The following LRFN2 variants were observed in gnomAD, a reference collection of about 807,000 sequenced individuals.
LRFN2 encodes leucine rich repeat and fibronectin type III domain containing 2.
LRFN2 carries 18 observed loss-of-function variants against 37.3 expected under a neutral mutation model. The ratio of observed to expected loss-of-function variants is 0.48; its 90% CI spans 0.33 to 0.72. The LOEUF is 0.72. Ranked by LOEUF, LRFN2 falls within the 30% of genes least tolerant of loss-of-function variation. The pLI is 0.02. For synonymous variants in LRFN2, 556 were observed against 466.6 expected (o/e 1.19, Z -2.47); for missense variants, 1,006 against 1,060.7 (o/e 0.95, Z 0.72).
intron 2 of LRFN2, among the ~76,000 whole-genome samples, chr6:40,430,007 C>T (rs1763442383): frequency 1.3e-5 from 2 of 152,136 alleles, no homozygotes; most frequent in African/African-American, 2.4e-5. Flanking sequence ...ATTTTTATTT[C>T]CTTCTTCATA....
chr6:40,472,260 A>G (rs1469843122), intron 1 of LRFN2, among the ~76,000 whole-genome samples: 2 of 152,134 alleles, frequency 1.3e-5, no homozygotes, highest in East Asian at 1.9e-4. Context: ...AGGTGTTTCC[A>G]GGTCAAGACA....
At chr6:40,538,243 G>A (rs918520897) in intron 1 of LRFN2, among the ~76,000 whole-genome samples, 6 of 152,206 alleles carry the variant, frequency 3.9e-5, no homozygotes, top group African/African-American at 4.8e-5. Flanking sequence ...GGGGAGAGAA[G>A]GAGGAAGATT....
At chr6:40,523,463 G>T (rs976311011) in intron 1 of LRFN2, among the ~76,000 whole-genome samples, 1 of 147,692 alleles carries the variant, frequency 6.8e-6, no homozygotes, top group Non-Finnish European at 1.5e-5. Flanking sequence ...CTTTTGTTTG[G>T]TTGGTTTTTA....
chr6:40,573,646 A>G (rs534496755), intron 1 of LRFN2, among the ~76,000 whole-genome samples: 26 of 152,282 alleles, frequency 1.7e-4, no homozygotes, highest in Non-Finnish European at 2.8e-4. Flanking sequence ...AGGGTGCCCA[A>G]CTCATCCTAG....
At chr6:40,466,759 T>C (rs1418826652) in intron 1 of LRFN2, among the ~76,000 whole-genome samples, 1 of 152,172 alleles carries the variant, frequency 6.6e-6, no homozygotes, top group Non-Finnish European at 1.5e-5. Context: ...TTACTTATTG[T>C]TATAGGATGA....
intron 1 of LRFN2, among the ~76,000 whole-genome samples, chr6:40,526,011 G>T (rs12210807): frequency 0.075 from 11,384 of 152,232 alleles, 557 homozygotes; most frequent in South Asian, 0.11. Context: ...AGAGAGAAAA[G>T]GTTCCTGTTC....
intron 1 of LRFN2, among the ~76,000 whole-genome samples, chr6:40,528,255 C>T (rs910970253): frequency 2.0e-5 from 3 of 152,246 alleles, no homozygotes; most frequent in African/African-American, 4.8e-5. Flanking sequence ...GGCGGCCTGC[C>T]GAAGTGGAGC....
At chr6:40,557,700 G>A (rs1766916008) in intron 1 of LRFN2, among the ~76,000 whole-genome samples, 1 of 152,166 alleles carries the variant, frequency 6.6e-6, no homozygotes, top group African/African-American at 2.4e-5. Context: ...GATTAAGTGT[G>A]CAGATCCTGG....
chr6:40,571,510 A>G (rs1306368781), intron 1 of LRFN2, among the ~76,000 whole-genome samples: 1 of 152,180 alleles, frequency 6.6e-6, no homozygotes, highest in Non-Finnish European at 1.5e-5. Flanking sequence ...AAACCCCATA[A>G]GGCAGGGCAA....
chr6:40,547,526 C>T (rs1766689135), intron 1 of LRFN2, among the ~76,000 whole-genome samples: 2 of 152,146 alleles, frequency 1.3e-5, no homozygotes, highest in South Asian at 4.1e-4. Flanking sequence ...GGGCATCTTC[C>T]ATTTGACCCT....
intron 1 of LRFN2, among the ~76,000 whole-genome samples, chr6:40,540,167 C>G (rs2113915473): frequency 6.6e-6 from 1 of 152,298 alleles, no homozygotes; most frequent in Non-Finnish European, 1.5e-5. Context: ...CTCTTAAGTA[C>G]CCTGTGCTTC....
At chr6:40,435,729 AG>A (rs1763655481) in intron 1 of LRFN2, among the ~76,000 whole-genome samples, 1 of 152,086 alleles carries the variant, frequency 6.6e-6, no homozygotes, top group African/African-American at 2.4e-5. Context: ...TAGTAGAGAC[AG>A]GGTTTCACTG....
At chr6:40,401,406 C>G (rs1296478834) in intron 2 of LRFN2, among the ~76,000 whole-genome samples, 1 of 152,168 alleles carries the variant, frequency 6.6e-6, no homozygotes, top group Non-Finnish European at 1.5e-5. Context: ...CTTCTGCCAG[C>G]TGGACCCTTG....
At chr6:40,489,381 G>A (rs1297460150) in intron 1 of LRFN2, among the ~76,000 whole-genome samples, 1 of 152,200 alleles carries the variant, frequency 6.6e-6, no homozygotes, top group Non-Finnish European at 1.5e-5. Flanking sequence ...GGACCCAAGT[G>A]GGGCAGTGCC....
At chr6:40,461,358 T>C (rs1032020778) in intron 1 of LRFN2, among the ~76,000 whole-genome samples, 3 of 151,996 alleles carry the variant, frequency 2.0e-5, no homozygotes, top group Admixed American at 6.6e-5. Flanking sequence ...CAGTGAGCCA[T>C]GATCACACCA....
At chr6:40,577,284 T>A (rs1346471715) in intron 1 of LRFN2, among the ~76,000 whole-genome samples, 1 of 151,896 alleles carries the variant, frequency 6.6e-6, no homozygotes, top group Non-Finnish European at 1.5e-5. Flanking sequence ...CGTATTTTAG[T>A]AGAGACGGAG....
chr6:40,479,742 C>T (rs1026747036), intron 1 of LRFN2, among the ~76,000 whole-genome samples: 4 of 152,200 alleles, frequency 2.6e-5, no homozygotes, highest in African/African-American at 9.7e-5. Context: ...GCTGGCTCCC[C>T]TGTCGTCACC....
intron 1 of LRFN2, among the ~76,000 whole-genome samples, chr6:40,473,413 G>C (rs1039111489): frequency 1.1e-4 from 16 of 152,252 alleles, no homozygotes; most frequent in African/African-American, 3.9e-4. Context: ...TTGGGGATGT[G>C]ACATAGCCCC....
At chr6:40,449,174 A>G (rs1764044166) in intron 1 of LRFN2, among the ~76,000 whole-genome samples, 1 of 152,230 alleles carries the variant, frequency 6.6e-6, no homozygotes, top group South Asian at 2.1e-4. Flanking sequence ...AAATGTTCTC[A>G]CTACAAAAGT....
Sources: allele counts gnomAD v4.1 joint callset (sites outside exome capture counted in the v4.1 genomes callset), GRCh38; gene constraint gnomAD v4.1.1; transcripts MANE v1.5; gene names NCBI Gene and HGNC (gene_info 2026-07-23, HGNC 2026-07-21).